Variants in SMCHD1 observed in about 807,000 individuals in gnomAD.
The protein encoded by SMCHD1 is structural maintenance of chromosomes flexible hinge domain-containing protein 1.
In SMCHD1, 78 loss-of-function variants were observed where a neutral mutation model predicts 254.7. The observed-to-expected ratio is 0.31, with a 90% CI of 0.26 to 0.37. The LOEUF (loss-of-function observed/expected upper bound fraction) is 0.37. SMCHD1 is among the 10% of genes least tolerant of loss of function. The pLI is 1.00. For synonymous variants in SMCHD1, 766 were observed against 794.9 expected, an observed-to-expected ratio of 0.96 and a Z score of 0.61; for missense variants, 1,840 against 2,408.1, an observed-to-expected ratio of 0.76 and a Z score of 4.94.
intron 17 of SMCHD1, among the ~76,000 whole-genome samples, chr18:2,711,522 G>A (rs1404373127): frequency 1.4e-4 from 17 of 123,620 alleles, no homozygotes; most frequent in Non-Finnish European, 2.1e-4. Flanking sequence ...TCGCTCTGTC[G>A]CCCAGGCTGG....
At chr18:2,690,895 T>A (rs1146055) in intron 7 of SMCHD1, among the ~76,000 whole-genome samples, 5 of 149,106 alleles carry the variant, frequency 3.4e-5, no homozygotes, top group Non-Finnish European at 7.4e-5. Context: ...ACATTTCTGA[T>A]CATTTATTTT....
chr18:2,747,893 T>C (rs1415017055), intron 30 of SMCHD1, among the ~76,000 whole-genome samples: 1 of 152,200 alleles, frequency 6.6e-6, no homozygotes, highest in African/African-American at 2.4e-5. Flanking sequence ...TCTTATATAG[T>C]GCTAGTAAGA....
At chr18:2,727,116 C>G (rs116201247) in intron 22 of SMCHD1, 2 of 152,460 alleles carry the variant, frequency 1.3e-5, no homozygotes, top group East Asian at 3.9e-4. Flanking sequence ...AAATGAGTTA[C>G]TACAGGTAGT....
At chr18:2,743,678 G>T in intron 28 of SMCHD1, 83 bp from the exon 29 acceptor site, 1 of 1,009,876 alleles carries the variant, frequency 9.9e-7, no homozygotes, top group South Asian at 2.2e-5. Context: ...TACGCCCATG[G>T]GTTAATGACA....
At chr18:2,716,533 T>C (rs943952512) in intron 17 of SMCHD1, among the ~76,000 whole-genome samples, 1 of 152,074 alleles carries the variant, frequency 6.6e-6, no homozygotes, top group Non-Finnish European at 1.5e-5. Context: ...CTGAGGCAGG[T>C]AGGGAGGGCA....
intron 12 of SMCHD1, chr18:2,701,164 GT>G (rs60371199): frequency 9.6e-3 from 1,873 of 195,608 alleles, no homozygotes; most frequent in East Asian, 0.018. Flanking sequence ...AGTTTTTTTT[GT>G]TTTTTTTTTT....
chr18:2,672,976 G>T (rs981452725), intron 3 of SMCHD1: 3 of 673,088 alleles, frequency 4.5e-6, no homozygotes, highest in Non-Finnish European at 5.5e-6. Flanking sequence ...TATGGTTATG[G>T]TCTTCTGTTT....
At position 2,796,004 on chromosome 18, in the gene SMCHD1, T is replaced by C. The variant is rs374989057; in HGVS notation, c.5775T>C (p.Asp1925=). The change falls in exon 46 of 48, where the codon GAT becomes GAC. Residue 1925 remains aspartate (D), a synonymous_variant. Coordinates refer to ENST00000320876, the MANE Select transcript of SMCHD1 (RefSeq NM_015295.3). ...AVCKLDSVNK[D]LNSQLEYLRT... is the part of the protein sequence containing the mutation. ...GCAAACTAGACAGTGTGAATAAGGA[T>C]CTTAACAGTCAATTAGAGTACCTTC... is the stretch of plus-strand genomic sequence containing the variant. The C allele has an allele frequency of 1.3e-6, 2 of 1,597,902 alleles. No individual in the cohort carries two copies. Among genetic ancestry groups the C allele is most frequent in the Non-Finnish European group, 1.7e-6 (2 of 1,171,918 alleles).
chr18:2,770,615 GTTTTGTTTTCTGTT>G (rs2075959918), intron 39 of SMCHD1, among the ~76,000 whole-genome samples: 1 of 151,882 alleles, frequency 6.6e-6, no homozygotes, highest in Non-Finnish European at 1.5e-5. Context: ...GTTTTGTTTA[GTTTTGTTTTCTGTT>G]TTTTGTTTTT....
intron 3 of SMCHD1, among the ~76,000 whole-genome samples, chr18:2,671,595 C>CTTTTTTT (rs760647745): frequency 2.3e-4 from 27 of 119,568 alleles, no homozygotes; most frequent in East Asian, 4.9e-4. Context: ...CTTTTCTTTT[C>CTTTTTTT]TTTTTTTTTT....
chr18:2,697,607 A>T (rs1420082849), intron 9 of SMCHD1, among the ~76,000 whole-genome samples: 4 of 152,068 alleles, frequency 2.6e-5, no homozygotes, highest in South Asian at 2.1e-4. Context: ...TTCAGCTCTG[A>T]TTTGCTGTTT....
chr18:2,711,708 T>G (rs2074677986), intron 17 of SMCHD1, among the ~76,000 whole-genome samples: 1 of 151,766 alleles, frequency 6.6e-6, no homozygotes, highest in African/African-American at 2.4e-5. Flanking sequence ...GGTCTCGATC[T>G]CCTGACCTCG....
chr18:2,784,831 A>G (rs1335807957), intron 45 of SMCHD1: 3 of 593,214 alleles, frequency 5.1e-6, no homozygotes, highest in Middle Eastern at 2.8e-4. Flanking sequence ...TTGTATTTTC[A>G]TTCTTATATG....
intron 1 of SMCHD1, 81 bp from the exon 2 acceptor site, chr18:2,666,076 A>G (rs1271932822): frequency 6.0e-6 from 4 of 663,100 alleles, no homozygotes; most frequent in African/African-American, 3.6e-5. Flanking sequence ...TGTACTATCA[A>G]TATTTTCATA....
At chr18:2,747,025 A>G (rs2075467323) in intron 29 of SMCHD1, among the ~76,000 whole-genome samples, 1 of 152,234 alleles carries the variant, frequency 6.6e-6, no homozygotes, top group Non-Finnish European at 1.5e-5. Context: ...AATGCACAAT[A>G]GCAGAGAGCT....
At chr18:2,786,551 G>A (rs979364936) in intron 45 of SMCHD1, among the ~76,000 whole-genome samples, 67 of 151,976 alleles carry the variant, frequency 4.4e-4, no homozygotes, top group African/African-American at 1.6e-3. Context: ...AATTAGCTGG[G>A]CGTGGTGGTG....
At chr18:2,785,499 A>AT (rs1007522779) in intron 45 of SMCHD1, among the ~76,000 whole-genome samples, 3 of 151,816 alleles carry the variant, frequency 2.0e-5, no homozygotes, top group Non-Finnish European at 2.9e-5. Context: ...ATACAAAAAA[A>AT]AAATTAGCTG....
chr18:2,801,036 G>A (rs1266186978), intron 47 of SMCHD1: 1 of 152,106 alleles, frequency 6.6e-6, no homozygotes, highest in Non-Finnish European at 1.5e-5. Context: ...GAGGATTAAA[G>A]TCCAAAAAGA....
chr18:2,793,328 C>T (rs1433888337), intron 45 of SMCHD1, among the ~76,000 whole-genome samples: 5 of 152,104 alleles, frequency 3.3e-5, no homozygotes. Flanking sequence ...AATATTGTGA[C>T]TCATTTACAT....
Sources: allele counts gnomAD v4.1 joint callset (sites outside exome capture counted in the v4.1 genomes callset), GRCh38; gene constraint gnomAD v4.1.1; transcripts MANE v1.5; gene names NCBI Gene and HGNC (gene_info 2026-07-23, HGNC 2026-07-21).